Variants in MYH13 observed in about 807,000 individuals in gnomAD.
The protein encoded by MYH13 is myosin heavy chain 13.
MYH13 carries 177 observed loss-of-function variants against 232.1 expected under a neutral mutation model. That is an observed-to-expected ratio of 0.76 (90% CI 0.67 to 0.86). MYH13 has a LOEUF of 0.86. Ranked by LOEUF, MYH13 falls within the 40% of genes least tolerant of loss-of-function variation. The pLI, the probability that MYH13 is intolerant of heterozygous loss-of-function variation, is 0.00. For synonymous variants in MYH13, 884 were observed against 923.5 expected (o/e 0.96, Z 0.78); for missense variants, 2,246 against 2,405.9 (o/e 0.93, Z 1.39).
At chr17:10,358,554 C>A (rs1310871766) in intron 7 of MYH13, among the ~76,000 whole-genome samples, 1 of 151,928 alleles carries the variant, frequency 6.6e-6, no homozygotes, top group Non-Finnish European at 1.5e-5. Context: ...GGCCAACGGT[C>A]TGATACCAGC....
At chr17:10,357,670 A>G (rs2071759090) in intron 8 of MYH13, 65 bp downstream of exon 8, 2 of 1,482,286 alleles carry the variant, frequency 1.3e-6, no homozygotes, top group African/African-American at 2.8e-5. Flanking sequence ...GCAGTTTTTC[A>G]TATCCAGCAT....
At chr17:10,324,409 G>T in intron 22 of MYH13, 145 bp from the exon 23 acceptor site, 1 of 919,764 alleles carries the variant, frequency 1.1e-6, no homozygotes, top group Non-Finnish European at 1.6e-6. Flanking sequence ...TGCACACACT[G>T]CACACACACG....
intron 39 of MYH13, among the ~76,000 whole-genome samples, chr17:10,302,547 A>G (rs980535268): frequency 1.4e-4 from 22 of 152,168 alleles, no homozygotes; most frequent in Admixed American, 3.9e-4. Flanking sequence ...AGATTTTCCC[A>G]AACGATCTCT....
At chr17:10,352,939 GTCACAGCAGCTGAGCTTCAGCCAA>G (rs1312987706) in intron 11 of MYH13, among the ~76,000 whole-genome samples, 17 of 152,094 alleles carry the variant, frequency 1.1e-4, no homozygotes, top group South Asian at 2.1e-4. Context: ...GTCTCAGCCA[GTCACAGCAGCTGAGCTTCAGCCAA>G]TCACAGCAGC....
chr17:10,317,910 A>G (rs571169258), intron 27 of MYH13: 1 of 152,268 alleles, frequency 6.6e-6, no homozygotes, highest in Non-Finnish European at 1.5e-5. Flanking sequence ...ATCAACTTTC[A>G]TGCCTAATTT....
chr17:10,340,034 A>G (rs2071608966), intron 18 of MYH13, 116 bp downstream of exon 18: 4 of 826,248 alleles, frequency 4.8e-6, no homozygotes, highest in African/African-American at 1.7e-5. Context: ...TTCAGAGACT[A>G]CTTTCAGAAG....
At chr17:10,312,116 G>A in intron 31 of MYH13, 40 bp from the exon 32 acceptor site, 1 of 1,609,710 alleles carries the variant, frequency 6.2e-7, no homozygotes, top group Non-Finnish European at 8.5e-7. Flanking sequence ...GCAGAAAGCA[G>A]GGGTGACTCA....
intron 2 of MYH13, among the ~76,000 whole-genome samples, chr17:10,367,350 T>C (rs1454753681): frequency 6.6e-6 from 1 of 152,202 alleles, no homozygotes; most frequent in African/African-American, 2.4e-5. Context: ...ATAAACATTT[T>C]ATTTTATTAT....
In MYH13 at chr17:10,320,189, G is replaced by C; in HGVS notation, c.3312C>G (p.His1104Gln). The C allele has an allele frequency of 6.2e-7, 1 of 1,602,486 alleles. No homozygotes were observed. The highest frequency in any genetic ancestry group is 8.5e-7 in the Non-Finnish European group (1 of 1,173,984). Residue 1104 changes from histidine to glutamine, a missense_variant, in exon 26 of 41, where the codon CAC (histidine) becomes CAG (glutamine). His to Gln is a conservative substitution (Grantham distance 24). Coordinates refer to ENST00000252172, the MANE Select transcript of MYH13 (RefSeq NM_003802.3). Reference protein sequence around the residue: ...LQAKIDDEQVHSLQFQKKIKE... With the variant: ...LQAKIDDEQVQSLQFQKKIKE... ...TAATCTTCTTTTGAAACTGCAAACTGTGGACTTGTTCGTCATCTATTTTGG... is the reference window on the plus strand; with the variant it reads ...TAATCTTCTTTTGAAACTGCAAACTCTGGACTTGTTCGTCATCTATTTTGG...
At chr17:10,360,793 C>G (rs1437121471) in intron 5 of MYH13, among the ~76,000 whole-genome samples, 1 of 152,146 alleles carries the variant, frequency 6.6e-6, no homozygotes, top group East Asian at 1.9e-4. Flanking sequence ...GGGCAAGCCC[C>G]TGATCTAATA....
intron 7 of MYH13, 35 bp downstream of exon 7, chr17:10,359,925 C>T (rs1421319200): frequency 6.4e-7 from 1 of 1,563,820 alleles, no homozygotes; most frequent in Non-Finnish European, 8.8e-7. Context: ...TATACTTATT[C>T]CAGTAAGCCT....
chr17:10,315,731 G>A lies in MYH13; in HGVS notation c.3946C>T (p.Leu1316=), dbSNP rs1248402342. The A allele has an allele frequency of 1.2e-6, 2 of 1,613,942 alleles. No homozygotes were observed. The highest frequency in any genetic ancestry group is 3.3e-5 in the Admixed American group (2 of 60,008). The change falls in exon 29 of 41, where the codon CTG becomes TTG. Residue 1316 remains leucine, a synonymous_variant. Coordinates refer to ENST00000252172, the MANE Select transcript of MYH13 (RefSeq NM_003802.3). ...TCCATTTGCCTCTTAAGCTCCTCCA[G>A]CTGCTGGGTGAGGGCCTGCTTGCTT... is the stretch of plus-strand genomic sequence containing the variant. ...TKSKQALTQQ[L]EELKRQMEEE... is the part of the protein sequence containing the mutation.
rs1210859642 is a variant in MYH13, at chr17:10,330,439, C to G, written c.2383G>C (p.Val795Leu). The change falls in exon 21 of 41, where the codon GTG (valine) becomes CTG (leucine). Residue 795 changes from valine (V) to leucine (L), a missense_variant. By Grantham distance (32) the Val-to-Leu change is conservative (BLOSUM62 1). Coordinates refer to ENST00000252172, the MANE Select transcript of MYH13 (RefSeq NM_003802.3). The part of the protein sequence containing the change: ...LVTLMTSTQA[V>L]CRGYLMRVEF... ...ACCCGCATCAGGTACCCCCTGCACA[C>G]CGCCTGCGTGCTTGTCATCAGCGTC... is the stretch of plus-strand genomic sequence containing the variant. 1 of 1,613,484 alleles carries G rather than the reference C, an allele frequency of 6.2e-7. No homozygotes were observed. Among genetic ancestry groups the G allele is most frequent in the Non-Finnish European group, 8.5e-7 (1 of 1,179,876 alleles).
chr17:10,364,717 C>A (rs574609845), intron 2 of MYH13, among the ~76,000 whole-genome samples, 175 bp from the exon 3 acceptor site: 2 of 151,582 alleles, frequency 1.3e-5, no homozygotes, highest in East Asian at 3.9e-4. Flanking sequence ...TGGGAATAAG[C>A]TAAAGGGGAT....
chr17:10,361,174 A>G (rs1351167271), intron 5 of MYH13, among the ~76,000 whole-genome samples: 1 of 152,200 alleles, frequency 6.6e-6, no homozygotes, highest in African/African-American at 2.4e-5. Context: ...CAAGAAAAAT[A>G]TTAAGTTTGC....
At chr17:10,364,018 A>G (rs1022701422) in intron 3 of MYH13, among the ~76,000 whole-genome samples, 4 of 152,304 alleles carry the variant, frequency 2.6e-5, no homozygotes, top group South Asian at 2.1e-4. Context: ...CCAGAGAGGT[A>G]TAATTGGTCG....
At chr17:10,323,778 A>AGAAG (rs557516417) in intron 23 of MYH13, among the ~76,000 whole-genome samples, 79 of 87,630 alleles carry the variant, frequency 9.0e-4, no homozygotes, top group Non-Finnish European at 1.2e-3. Flanking sequence ...AAAAAAAAAA[A>AGAAG]AAAAAAAAAA....
At chr17:10,362,613 T>C (rs2142275483) in intron 3 of MYH13, 110 bp from the exon 4 acceptor site, 1 of 1,376,888 alleles carries the variant, frequency 7.3e-7, no homozygotes, top group Admixed American at 1.8e-5. Flanking sequence ...TACCGCATTG[T>C]GATGGATAAT....
intron 24 of MYH13, among the ~76,000 whole-genome samples, chr17:10,321,156 C>T (rs911513822): frequency 3.3e-5 from 5 of 152,076 alleles, no homozygotes; most frequent in East Asian, 1.9e-4. Context: ...TCTTTAGTAA[C>T]GTTACAACAG....
Sources: allele counts gnomAD v4.1 joint callset (sites outside exome capture counted in the v4.1 genomes callset), GRCh38; gene constraint gnomAD v4.1.1; transcripts MANE v1.5; gene names NCBI Gene and HGNC (gene_info 2026-07-23, HGNC 2026-07-21).